CHRM3: variants seen among roughly 807,000 people sequenced by gnomAD.
The protein encoded by CHRM3 is cholinergic receptor muscarinic 3.
A neutral mutation model predicts 41.8 loss-of-function variants in CHRM3; 11 were observed. The ratio of observed to expected loss-of-function variants is 0.26; its 90% confidence interval spans 0.17 to 0.44. The LOEUF is 0.44. CHRM3 is among the 20% of genes least tolerant of loss of function. CHRM3 has a pLI of 1.00. For missense variants in CHRM3, 571 were observed against 745.4 expected, an observed-to-expected ratio of 0.77 and a Z score of 2.72; for synonymous variants, 297 against 301.4, an observed-to-expected ratio of 0.99 and a Z score of 0.15.
At chr1:239,800,008 G>A (rs1670087840) in intron 5 of CHRM3, among the ~76,000 whole-genome samples, 1 of 151,974 alleles carries the variant, frequency 6.6e-6, no homozygotes, top group Non-Finnish European at 1.5e-5. Context: ...CTTCATATCA[G>A]GTAGCTTTTT....
intron 5 of CHRM3, among the ~76,000 whole-genome samples, chr1:239,782,781 T>C (rs1668600916): frequency 6.6e-6 from 1 of 152,164 alleles, no homozygotes; most frequent in African/African-American, 2.4e-5. Flanking sequence ...CTAGTTTTGC[T>C]GCACCACACA....
At chr1:239,501,117 A>C (rs1369028155) in intron 2 of CHRM3, among the ~76,000 whole-genome samples, 2 of 152,232 alleles carry the variant, frequency 1.3e-5, no homozygotes, top group Non-Finnish European at 2.9e-5. Context: ...TGGAGCTCTC[A>C]AATTTATAAA....
intron 1 of CHRM3, among the ~76,000 whole-genome samples, chr1:239,409,060 C>A (rs1660869304): frequency 6.6e-6 from 1 of 152,150 alleles, no homozygotes; most frequent in Non-Finnish European, 1.5e-5. Context: ...AGATTTTTCA[C>A]ATTAAAATCT....
intron 3 of CHRM3, chr1:239,546,259 A>G (rs902977633): frequency 1.3e-5 from 2 of 152,140 alleles, no homozygotes; most frequent in Non-Finnish European, 2.9e-5. Flanking sequence ...ATTTCATTTC[A>G]GCTCCAGCAT....
At chr1:239,629,444 G>C (rs1272990179) in intron 3 of CHRM3, 1 of 152,032 alleles carries the variant, frequency 6.6e-6, no homozygotes, top group Non-Finnish European at 1.5e-5. Context: ...AGATGGAAAT[G>C]CAGAAATCAC....
At chr1:239,672,646 G>A (rs1170296183) in intron 4 of CHRM3, among the ~76,000 whole-genome samples, 2 of 151,778 alleles carry the variant, frequency 1.3e-5, no homozygotes, top group Admixed American at 1.3e-4. Flanking sequence ...GGGTAGGGGA[G>A]AAAGAATGGG....
chr1:239,486,540 C>T (rs980009161), intron 1 of CHRM3, among the ~76,000 whole-genome samples: 1 of 152,270 alleles, frequency 6.6e-6, no homozygotes, highest in Non-Finnish European at 1.5e-5. Context: ...ATTTGAAGAA[C>T]CAAATAGTAA....
chr1:239,592,255 T>C (rs1392459358), intron 3 of CHRM3, among the ~76,000 whole-genome samples: 4 of 152,248 alleles, frequency 2.6e-5, no homozygotes, highest in Non-Finnish European at 2.9e-5. Context: ...GAAATCTTCA[T>C]TGCAGTGAAG....
At chr1:239,869,367 C>T (rs527872858) in intron 6 of CHRM3, among the ~76,000 whole-genome samples, 1 of 152,192 alleles carries the variant, frequency 6.6e-6, no homozygotes, top group South Asian at 2.1e-4. Context: ...TTCCCACTTC[C>T]AGCTTTAATC....
intron 3 of CHRM3, among the ~76,000 whole-genome samples, chr1:239,602,175 C>T (rs938543132): frequency 1.3e-5 from 2 of 150,220 alleles, no homozygotes; most frequent in African/African-American, 2.5e-5. Flanking sequence ...CGCTCTGTCT[C>T]CCAGGCTGGA....
At chr1:239,521,306 G>A (rs1669623075) in intron 2 of CHRM3, among the ~76,000 whole-genome samples, 1 of 152,154 alleles carries the variant, frequency 6.6e-6, no homozygotes, top group Non-Finnish European at 1.5e-5. Flanking sequence ...TGCAAGAGGA[G>A]CTATTTTAGA....
At chr1:239,690,799 T>TGTAGTG (rs1295671074) in intron 5 of CHRM3, among the ~76,000 whole-genome samples, 1 of 152,002 alleles carries the variant, frequency 6.6e-6, no homozygotes, top group Non-Finnish European at 1.5e-5. Context: ...TTGTGTGATA[T>TGTAGTG]GTAGTGGCTG....
At chr1:239,561,786 C>T (rs539756945) in intron 3 of CHRM3, among the ~76,000 whole-genome samples, 4 of 152,192 alleles carry the variant, frequency 2.6e-5, no homozygotes, top group African/African-American at 9.6e-5. Context: ...CTCTTGTTCA[C>T]TTTCTTCTCA....
intron 6 of CHRM3, among the ~76,000 whole-genome samples, chr1:239,852,529 A>G (rs1424144481): frequency 2.0e-5 from 3 of 152,194 alleles, no homozygotes; most frequent in Admixed American, 6.5e-5. Flanking sequence ...TTCATTTGTA[A>G]CAAAGACTAT....
At chr1:239,389,059 G>A (rs913687623) in intron 1 of CHRM3, among the ~76,000 whole-genome samples, 4 of 152,242 alleles carry the variant, frequency 2.6e-5, no homozygotes, top group South Asian at 4.2e-4. Flanking sequence ...TAGCAATGTC[G>A]AAATATTGTT....
chr1:239,758,264 T>TAC (rs1666402886), intron 5 of CHRM3, among the ~76,000 whole-genome samples: 1 of 152,186 alleles, frequency 6.6e-6, no homozygotes, highest in South Asian at 2.1e-4. Flanking sequence ...GTATTTTAAA[T>TAC]ACCTGTGTAC....
intron 5 of CHRM3, among the ~76,000 whole-genome samples, chr1:239,731,514 G>A (rs147786111): frequency 4.7e-4 from 72 of 152,022 alleles, no homozygotes; most frequent in South Asian, 2.5e-3. Flanking sequence ...CTTATATGCC[G>A]TTAGTATTGT....
intron 6 of CHRM3, among the ~76,000 whole-genome samples, chr1:239,881,201 T>G (rs1269993998): frequency 2.3e-5 from 3 of 131,584 alleles, no homozygotes; most frequent in Admixed American, 1.8e-4. Flanking sequence ...GAGAATGGCG[T>G]GAACCCGGGA....
intron 5 of CHRM3, among the ~76,000 whole-genome samples, chr1:239,682,476 C>T (rs894490829): frequency 6.6e-6 from 1 of 152,074 alleles, no homozygotes; most frequent in African/African-American, 2.4e-5. Context: ...CATTTTGCCA[C>T]TACATGGAAG....
Sources: allele counts gnomAD v4.1 joint callset (sites outside exome capture counted in the v4.1 genomes callset), GRCh38; gene constraint gnomAD v4.1.1; transcripts MANE v1.5; gene names NCBI Gene and HGNC (gene_info 2026-07-23, HGNC 2026-07-21).